Variants in PTPRD observed in about 807,000 individuals in gnomAD.
PTPRD encodes the protein receptor-type tyrosine-protein phosphatase delta.
Under a neutral mutation model 214.5 loss-of-function variants are expected in PTPRD, and 34 were observed. The observed-to-expected ratio is 0.16, with a 90% CI of 0.12 to 0.21. The LOEUF (loss-of-function observed/expected upper bound fraction) is 0.21, where lower values mean the gene tolerates loss of function less well. Among genes scored for constraint, PTPRD ranks in the 10% least tolerant of loss-of-function variants. The pLI is 1.00. For synonymous variants in PTPRD, 1,128 were observed against 845.7 expected, an observed-to-expected ratio of 1.33 and a Z score of -5.79; for missense variants, 2,545 against 2,398.7, an observed-to-expected ratio of 1.06 and a Z score of -1.27.
At chr9:8,890,455 C>T (rs75549197) in intron 11 of PTPRD, among the ~76,000 whole-genome samples, 2,990 of 152,246 alleles carry the variant, frequency 0.02, 94 homozygotes, top group African/African-American at 0.068. Flanking sequence ...CCCTTGTCTC[C>T]GCCTGAAGAC....
At chr9:9,056,539 G>C (rs1304614703) in intron 10 of PTPRD, among the ~76,000 whole-genome samples, 2 of 152,186 alleles carry the variant, frequency 1.3e-5, no homozygotes, top group Admixed American at 1.3e-4. Flanking sequence ...TCTTCTTAAT[G>C]TGGATTAAAT....
At chr9:10,588,527 A>G (rs1591540360) in intron 2 of PTPRD, among the ~76,000 whole-genome samples, 1 of 152,000 alleles carries the variant, frequency 6.6e-6, no homozygotes, top group African/African-American at 2.4e-5. Flanking sequence ...TGGCCCAGCC[A>G]TGGAATCAGA....
chr9:9,125,453 T>TGGGAA (rs2099828753), intron 10 of PTPRD, among the ~76,000 whole-genome samples: 2 of 152,208 alleles, frequency 1.3e-5, no homozygotes, highest in South Asian at 4.1e-4. Flanking sequence ...ACAGTACCTG[T>TGGGAA]GCTTACCTCT....
chr9:8,445,284 C>G (rs1431123202), intron 34 of PTPRD, among the ~76,000 whole-genome samples: 1 of 152,054 alleles, frequency 6.6e-6, no homozygotes, highest in Non-Finnish European at 1.5e-5. Context: ...AATCATTATT[C>G]TCTTAAATGA....
intron 7 of PTPRD, among the ~76,000 whole-genome samples, chr9:9,647,128 A>G (rs918189745): frequency 9.9e-5 from 15 of 152,102 alleles, no homozygotes; most frequent in African/African-American, 3.6e-4. Flanking sequence ...AGGCTAATCT[A>G]CTATCTGATT....
chr9:10,531,989 T>C (rs1233018687), intron 2 of PTPRD, among the ~76,000 whole-genome samples: 1 of 152,186 alleles, frequency 6.6e-6, no homozygotes, highest in African/African-American at 2.4e-5. Flanking sequence ...TTACATGCCA[T>C]GTAATTCATT....
chr9:8,505,179 G>C (rs991625063), intron 22 of PTPRD, among the ~76,000 whole-genome samples: 2 of 152,056 alleles, frequency 1.3e-5, no homozygotes, highest in African/African-American at 4.8e-5. Context: ...TTGTCATTTA[G>C]CAAAAATATA....
intron 13 of PTPRD, 139 bp from the exon 14 acceptor site, chr9:8,633,597 G>A: frequency 1.0e-6 from 1 of 962,538 alleles, no homozygotes; most frequent in African/African-American, 1.7e-5. Flanking sequence ...TTGATATAGT[G>A]GTGAAAAAAT....
At chr9:10,169,398 C>T (rs1401698657) in intron 3 of PTPRD, among the ~76,000 whole-genome samples, 2 of 145,656 alleles carry the variant, frequency 1.4e-5, no homozygotes, top group Admixed American at 7.1e-5. Flanking sequence ...GGCGTGAACC[C>T]CGGAGGCGGA....
chr9:9,186,225 A>G (rs2099931382), intron 9 of PTPRD, among the ~76,000 whole-genome samples: 1 of 152,100 alleles, frequency 6.6e-6, no homozygotes, highest in African/African-American at 2.4e-5. Context: ...TGGGGGAGAG[A>G]AAGAAATGAA....
intron 4 of PTPRD, among the ~76,000 whole-genome samples, chr9:10,014,801 T>C (rs1432114859): frequency 6.6e-6 from 1 of 152,042 alleles, no homozygotes; most frequent in African/African-American, 2.4e-5. Flanking sequence ...ACAAAAGACC[T>C]TTGATGTGAC....
chr9:8,771,130 G>A (rs889425572), intron 11 of PTPRD, among the ~76,000 whole-genome samples: 21 of 148,292 alleles, frequency 1.4e-4, no homozygotes, highest in African/African-American at 3.8e-4. Context: ...GCAGTGAGCC[G>A]AGATCACACC....
intron 36 of PTPRD, among the ~76,000 whole-genome samples, chr9:8,401,859 A>G (rs959141444): frequency 5.3e-5 from 8 of 152,138 alleles, no homozygotes; most frequent in African/African-American, 1.9e-4. Flanking sequence ...AAAACTCTCA[A>G]CCAAAGTCAC....
At chr9:9,948,947 T>C (rs994899692) in intron 4 of PTPRD, among the ~76,000 whole-genome samples, 3 of 152,108 alleles carry the variant, frequency 2.0e-5, no homozygotes, top group African/African-American at 7.2e-5. Context: ...TAAATTAATA[T>C]TACAGTGCAA....
At chr9:8,876,962 C>G (rs1288214229) in intron 11 of PTPRD, among the ~76,000 whole-genome samples, 2 of 151,234 alleles carry the variant, frequency 1.3e-5, no homozygotes, top group African/African-American at 4.9e-5. Flanking sequence ...AAGTCTCTCT[C>G]TGTCCCCAGG....
intron 3 of PTPRD, among the ~76,000 whole-genome samples, chr9:10,304,783 T>C (rs978136491): frequency 6.6e-6 from 1 of 152,128 alleles, no homozygotes; most frequent in African/African-American, 2.4e-5. Context: ...GGAAAAACAT[T>C]CCATTCTTAT....
chr9:9,940,905 A>G (rs1455014416), intron 4 of PTPRD, among the ~76,000 whole-genome samples: 1 of 152,132 alleles, frequency 6.6e-6, no homozygotes, highest in Non-Finnish European at 1.5e-5. Flanking sequence ...TAATCAAGAA[A>G]AGGTGACCAT....
chr9:9,999,896 G>A (rs1057355800), intron 4 of PTPRD, among the ~76,000 whole-genome samples: 2 of 152,162 alleles, frequency 1.3e-5, no homozygotes, highest in Admixed American at 6.5e-5. Flanking sequence ...ATCTTGTTTG[G>A]TAAATTCTTG....
intron 2 of PTPRD, among the ~76,000 whole-genome samples, chr9:10,601,980 T>A (rs889266362): frequency 6.6e-6 from 1 of 151,862 alleles, no homozygotes; most frequent in Non-Finnish European, 1.5e-5. Flanking sequence ...GTTCACTACG[T>A]GTTTACATAT....
Sources: gnomAD v4.1 joint callset for allele counts (sites outside exome capture counted in the v4.1 genomes callset) on GRCh38, gnomAD v4.1.1 for gene constraint, MANE v1.5 for transcripts, NCBI Gene and HGNC (gene_info 2026-07-23, HGNC 2026-07-21) for gene names.